Variants in ECPAS observed in about 807,000 individuals in gnomAD.
The protein encoded by ECPAS is Ecm29 proteasome adaptor and scaffold, also known as proteasome adapter and scaffold protein ECM29.
In ECPAS, 70 loss-of-function variants were observed where a neutral mutation model predicts 255.1. The observed-to-expected ratio is 0.27, with a 90% CI of 0.23 to 0.33. ECPAS has a LOEUF of 0.33. ECPAS is among the 10% of genes least tolerant of loss of function. The pLI is 1.00. For missense variants in ECPAS, 1,817 were observed against 2,206.4 expected, an observed-to-expected ratio of 0.82 and a Z score of 3.54; for synonymous variants, 784 against 775.0, an observed-to-expected ratio of 1.01 and a Z score of -0.19.
chr9:111,474,134 C>G (rs2098293222), intron 1 of ECPAS, among the ~76,000 whole-genome samples: 1 of 152,192 alleles, frequency 6.6e-6, no homozygotes, highest in Non-Finnish European at 1.5e-5. Flanking sequence ...GTTTTAGCCA[C>G]TACTCAAAGC....
At chr9:111,395,403 G>A (rs1024714573) in intron 25 of ECPAS, among the ~76,000 whole-genome samples, 1 of 152,152 alleles carries the variant, frequency 6.6e-6, no homozygotes, top group Non-Finnish European at 1.5e-5. Flanking sequence ...GAAGCACTCA[G>A]ATGAGAATGA....
chr9:111,422,733 G>T (rs531553106), intron 13 of ECPAS, among the ~76,000 whole-genome samples: 1 of 152,220 alleles, frequency 6.6e-6, no homozygotes, highest in Admixed American at 6.5e-5. Context: ...TTCAAATACA[G>T]TGAAGGAAGA....
chr9:111,405,445 C>T (rs559456849), intron 24 of ECPAS, among the ~76,000 whole-genome samples: 1 of 149,732 alleles, frequency 6.7e-6, no homozygotes, highest in East Asian at 2.0e-4. Context: ...TACAAGACTA[C>T]TATAAAAAAA....
At chr9:111,470,442 C>T (rs1345574855) in intron 2 of ECPAS, among the ~76,000 whole-genome samples, 1 of 152,174 alleles carries the variant, frequency 6.6e-6, no homozygotes. Context: ...TCCCGAGTAG[C>T]GGGGACTATA....
intron 33 of ECPAS, 129 bp from the exon 34 acceptor site, chr9:111,384,698 T>TA (rs968643235): frequency 2.1e-5 from 16 of 779,224 alleles, no homozygotes; most frequent in South Asian, 1.5e-4. Flanking sequence ...CATATCATGT[T>TA]AAAAAAATTG....
chr9:111,415,343 A>C (rs2098201704), intron 18 of ECPAS, among the ~76,000 whole-genome samples: 1 of 152,060 alleles, frequency 6.6e-6, no homozygotes, highest in Admixed American at 6.6e-5. Context: ...TACTCCATTG[A>C]CACAAGAATC....
chr9:111,382,086 C>A (rs2098141292), intron 35 of ECPAS, among the ~76,000 whole-genome samples: 1 of 151,720 alleles, frequency 6.6e-6, no homozygotes, highest in South Asian at 2.1e-4. Context: ...TCCTCCTATT[C>A]CATCACATCA....
rs796076635 is a variant in ECPAS at position 111,441,199 on chromosome 9, T to TA, written c.390-679dup. 2.6e-3 allele frequency among the ~76,000 whole-genome samples: 361 copies of TA among 141,040 alleles called. 2 individuals are homozygous for TA. Among genetic ancestry groups the TA allele is most frequent in the African/African-American group, 8.0e-3 (307 of 38,518 alleles). 92.5% of individuals were successfully genotyped at this position (141,040 alleles called of 152,430 possible). A position where few individuals can be genotyped will look rare whatever the true frequency, so the allele number is the denominator to read the frequency against. On this transcript the variant is annotated intron_variant, in intron 5 of 49. Coordinates refer to ENST00000684092, the MANE Select transcript of ECPAS (RefSeq NM_001364929.1). Reference sequence around the variant, plus strand: ...AAAATAAAAAATAAAAAATAAAAATTAAAAAAAAAAAGAATTATTTTCGGT... The same window carrying TA: ...AAAATAAAAAATAAAAAATAAAAATTAAAAAAAAAAAAGAATTATTTTCGGT...
chr9:111,475,860 T>G (rs2098295586), intron 1 of ECPAS, among the ~76,000 whole-genome samples: 1 of 152,242 alleles, frequency 6.6e-6, no homozygotes, highest in Non-Finnish European at 1.5e-5. Context: ...TAACTAAAAT[T>G]TAAATGATAC....
At chr9:111,362,523 C>T (rs2098114950) in intron 49 of ECPAS, among the ~76,000 whole-genome samples, 2 of 151,670 alleles carry the variant, frequency 1.3e-5, no homozygotes, top group South Asian at 2.1e-4. Context: ...ACAACACCAT[C>T]GCAAGACCAT....
intron 41 of ECPAS, 144 bp downstream of exon 41, chr9:111,373,026 C>T (rs1371039029): frequency 2.7e-6 from 2 of 746,642 alleles, no homozygotes; most frequent in Non-Finnish European, 4.4e-6. Flanking sequence ...AGCCAGACAC[C>T]ATCTCAAAAA....
At chr9:111,455,298 C>T (rs1389868685) in intron 2 of ECPAS, among the ~76,000 whole-genome samples, 1 of 152,090 alleles carries the variant, frequency 6.6e-6, no homozygotes, top group Non-Finnish European at 1.5e-5. Flanking sequence ...TCCTGGCGAA[C>T]ACGGTGAAAC....
intron 2 of ECPAS, among the ~76,000 whole-genome samples, chr9:111,465,658 G>C (rs567834346): frequency 2.6e-5 from 4 of 151,524 alleles, no homozygotes; most frequent in Non-Finnish European, 5.9e-5. Context: ...TATATAAAAA[G>C]TGAAAGAAAA....
chr9:111,430,702 C>A (rs1446801931), intron 8 of ECPAS, 74 bp from the exon 9 acceptor site: 16 of 871,816 alleles, frequency 1.8e-5, no homozygotes, highest in Non-Finnish European at 2.9e-5. Flanking sequence ...AAATTATAGC[C>A]CCAACATTTC....
intron 24 of ECPAS, among the ~76,000 whole-genome samples, chr9:111,408,344 C>T (rs958476588): frequency 6.6e-6 from 1 of 152,120 alleles, no homozygotes; most frequent in Non-Finnish European, 1.5e-5. Flanking sequence ...CACACTGCAC[C>T]GCACTTTGCT....
In ECPAS at chr9:111,443,144, A is replaced by T. The variant is rs1250845117; in HGVS notation, c.271-720T>A. 2.0e-5 allele frequency among the ~76,000 whole-genome samples: 3 copies of T among 152,216 alleles called. No homozygotes were observed. In the East Asian group the frequency reaches 5.8e-4, roughly 29 times the overall value. ...TGATCCCAAGCAATTCAGATAAGGGATACTCAACCTGTATCACTATAATCT... is the reference window on the plus strand; with the variant it reads ...TGATCCCAAGCAATTCAGATAAGGGTTACTCAACCTGTATCACTATAATCT... On this transcript the variant is annotated intron_variant, in intron 4 of 49. Transcript: ENST00000684092.
chr9:111,368,815 C>T (rs1271840647), intron 46 of ECPAS, among the ~76,000 whole-genome samples: 2 of 152,210 alleles, frequency 1.3e-5, no homozygotes, highest in African/African-American at 4.8e-5. Context: ...CTAAGCCACC[C>T]AGTCTGTGAT....
Position 111,410,199 on chromosome 9 carries a change from T to C in ECPAS, c.2392A>G (p.Ser798Gly), listed in dbSNP as rs768424666. The change falls in exon 23 of 50, where the codon AGT becomes GGT. Residue 798 changes from serine to glycine, a missense_variant. Around this residue, in one of 4 missense-constraint regions of ECPAS, gnomAD observed 194 missense variants for 152.8 expected, o/e 1.27. Transcript: ENST00000684092. ...ATETIGSFLD[S>G]TSPLLAIAAC... ...GCAATTGCCAGGAGGGGTGATGTACTGTCCAAAAATGAGCCTGTAAGCACA... is the reference window on the plus strand; with the variant it reads ...GCAATTGCCAGGAGGGGTGATGTACCGTCCAAAAATGAGCCTGTAAGCACA... The C allele has an allele frequency of 5.0e-6, 8 of 1,608,918 alleles. No individual in the cohort carries two copies. The South Asian group carries it at 5.6e-5, about 11-fold the overall frequency.
chr9:111,386,301 A>G, intron 32 of ECPAS, 76 bp downstream of exon 32: 1 of 945,972 alleles, frequency 1.1e-6, no homozygotes, highest in Non-Finnish European at 1.7e-6. Context: ...TTTTGCACAA[A>G]GTATAAAACC....
Sources: gnomAD v4.1 joint callset for allele counts (sites outside exome capture counted in the v4.1 genomes callset) on GRCh38, gnomAD v4.1.1 for gene constraint, gnomAD v4.1.1 regional missense constraint, MANE v1.5 for transcripts, NCBI Gene and HGNC (gene_info 2026-07-23, HGNC 2026-07-21) for gene names.